Variants in SYN1 observed in about 807,000 individuals in gnomAD.
SYN1 encodes the protein synapsin-1.
In SYN1, 8 loss-of-function variants were observed where a neutral mutation model predicts 44.6. That is an observed-to-expected ratio of 0.18 (90% CI 0.11 to 0.32). The LOEUF (loss-of-function observed/expected upper bound fraction) is 0.32, where lower values mean the gene tolerates loss of function less well. SYN1 is among the 10% of genes least tolerant of loss of function. The pLI, the probability that SYN1 is intolerant of heterozygous loss-of-function variation, is 1.00. For missense variants in SYN1, 451 were observed against 639.4 expected (o/e 0.71, Z 3.18); for synonymous variants, 275 against 280.1 (o/e 0.98, Z 0.18).
intron 5 of SYN1, among the ~76,000 whole-genome samples, chrX:47,580,221 C>T (rs1439791710): frequency 2.9e-5 from 3 of 102,468 alleles, no homozygotes; most frequent in African/African-American, 7.1e-5. Flanking sequence ...CAGGGTTTCA[C>T]CATGTTGCCC....
At chrX:47,583,299 C>A in intron 5 of SYN1, 1 of 559,861 alleles carries the variant, frequency 1.8e-6, no homozygotes, top group South Asian at 3.6e-5. Context: ...CCAAATCCAG[C>A]CCCCTAATCC....
Position 47,574,373 on chromosome X carries a change from C to A in SYN1, c.1611G>T (p.Ala537=). 9.8e-7 allele frequency: 1 copy of A among 1,023,814 alleles called. No homozygotes were observed. The highest frequency in any genetic ancestry group is 3.0e-5 in the South Asian group (1 of 33,126). 84.4% of individuals were successfully genotyped at this position (1,023,814 alleles called of 1,213,427 possible). ...QGQGRQSRPV[A]GGPGAPPAAR... ...CTGCTGGAGGCGCCCCGGGGCCTCC[C>A]GCCACTGGCCGGGATTGGCGGCCTT... Residue 537 remains alanine (A), a synonymous_variant, in exon 12 of 13, where the codon GCG becomes GCT. Transcript: ENST00000295987.
At position 47,607,047 on chromosome X, in the gene SYN1, GA is replaced by G; in HGVS notation, c.436-12del. On this transcript the variant is annotated splice_polypyrimidine_tract_variant and intron_variant, in intron 2 of 12. Coordinates refer to ENST00000295987, the MANE Select transcript of SYN1 (RefSeq NM_006950.3). ...ATCAGAGAATTCGGCCTGGGAAGGA[GA>G]AAAAAACTGGTGATTCACCTACATC... is the stretch of plus-strand genomic sequence containing the variant. 8.3e-7 allele frequency: 1 copy of G among 1,209,716 alleles called. No individual in the cohort carries two copies. Among genetic ancestry groups the G allele is most frequent in the Non-Finnish European group, 1.1e-6 (1 of 893,950 alleles).
chrX:47,619,188 A>C (rs181800025), intron 1 of SYN1, among the ~76,000 whole-genome samples, 164 bp downstream of exon 1: 1 of 111,432 alleles, frequency 9.0e-6, no homozygotes, highest in East Asian at 2.9e-4. Context: ...GGGGGCGACA[A>C]GGGCGGGGCA....
At chrX:47,608,674 G>A (rs1023856562) in intron 1 of SYN1, among the ~76,000 whole-genome samples, 6 of 109,674 alleles carry the variant, frequency 5.5e-5, no homozygotes, top group Non-Finnish European at 7.6e-5. Flanking sequence ...GGAACATCAC[G>A]AACTGCTATG....
intron 5 of SYN1, chrX:47,586,469 C>T (rs2057827123): frequency 8.4e-7 from 1 of 1,188,507 alleles, no homozygotes; most frequent in Non-Finnish European, 1.1e-6. Context: ...AGTTCTGCTC[C>T]ACGGGGGAGG....
chrX:47,611,497 C>T (rs182059612), intron 1 of SYN1, among the ~76,000 whole-genome samples: 38 of 112,504 alleles, frequency 3.4e-4, no homozygotes, highest in African/African-American at 1.2e-3. Context: ...TTGGCAAATG[C>T]ATTCTTTTTT....
At chrX:47,618,628 C>G (rs1282002020) in intron 1 of SYN1, among the ~76,000 whole-genome samples, 1 of 110,982 alleles carries the variant, frequency 9.0e-6, no homozygotes, top group Non-Finnish European at 1.9e-5. Flanking sequence ...CTTCCTAGAT[C>G]CTTTGGAGAA....
intron 5 of SYN1, among the ~76,000 whole-genome samples, chrX:47,582,015 G>A (rs577660226): frequency 8.9e-6 from 1 of 112,774 alleles, no homozygotes; most frequent in South Asian, 3.6e-4. Context: ...CAAAACAAGG[G>A]ATTTTTGTGT....
intron 5 of SYN1, chrX:47,604,773 A>G (rs1459872782): frequency 4.5e-6 from 2 of 445,726 alleles, no homozygotes; most frequent in Non-Finnish European, 7.9e-6. Flanking sequence ...AGGATCTGAT[A>G]CATATTAGAA....
chrX:47,619,597 G>A lies in SYN1; in HGVS notation c.132C>T (p.Pro44=), dbSNP rs1408169799. The change falls in exon 1 of 13, where the codon CCC becomes CCT. Residue 44 remains proline, a synonymous_variant. Transcript: ENST00000295987. ...TCTCGGCAGTGGCGGTCCCGGGACCGGGCGTGGCTCCGGGGCTGTGGGCAC... is the reference window on the plus strand; with the variant it reads ...TCTCGGCAGTGGCGGTCCCGGGACCAGGCGTGGCTCCGGGGCTGTGGGCAC... The part of the protein sequence containing the change: ...PPGAHSPGAT[P]GPGTATAERS... 6.0e-6 allele frequency: 7 copies of A among 1,160,326 alleles called. No homozygotes were observed. Among genetic ancestry groups the A allele is most frequent in the Non-Finnish European group, 8.1e-6 (7 of 869,062 alleles).
In SYN1 at chrX:47,619,834, C is replaced by T; in HGVS notation, c.-106G>A. The T allele has an allele frequency of 2.3e-6, 2 of 884,966 alleles. No individual in the cohort carries two copies. The highest frequency in any genetic ancestry group is 3.1e-6 in the Non-Finnish European group (2 of 649,562). 72.9% of individuals were successfully genotyped at this position (884,966 alleles called of 1,213,427 possible). On this transcript the variant is annotated 5_prime_UTR_variant, in exon 1 of 13. Transcript: ENST00000295987. ...AGCTGCGCTCTCAGGCACGACACGACTCCTCCGCTGCCCACCGCAGACTGA... is the reference window on the plus strand; with the variant it reads ...AGCTGCGCTCTCAGGCACGACACGATTCCTCCGCTGCCCACCGCAGACTGA...
chrX:47,607,758 G>T (rs1184305354), intron 1 of SYN1, among the ~76,000 whole-genome samples: 1 of 107,891 alleles, frequency 9.3e-6, no homozygotes, highest in Non-Finnish European at 1.9e-5. Flanking sequence ...AAAGCCGAGG[G>T]CTGTGGCTCA....
At chrX:47,577,538 A>G in intron 5 of SYN1, 37 bp from the exon 6 acceptor site, 1 of 1,165,676 alleles carries the variant, frequency 8.6e-7, no homozygotes. Context: ...TGCTCAGGGC[A>G]GAAAGGGTGA....
rs2057809614 is a variant in SYN1, at chrX:47,583,650, C to T, written c.775-6149G>A. On this transcript the variant is annotated intron_variant, in intron 5 of 12. Coordinates refer to ENST00000295987, the MANE Select transcript of SYN1 (RefSeq NM_006950.3). ...GATTCCACTCGCCCCTGCACTTCCT[C>T]TGCTTTAGCCACACTGGCATCCTCA... 3.5e-6 allele frequency: 3 copies of T among 866,397 alleles called. No homozygotes were observed. In the Admixed American group the frequency reaches 1.0e-4, roughly 30 times the overall value. The allele number at this position is 866,397 out of a possible 1,213,427, so 71.4% of individuals were successfully genotyped here. A position where few individuals can be genotyped will look rare whatever the true frequency, so the allele number is the denominator to read the frequency against.
intron 12 of SYN1, among the ~76,000 whole-genome samples, chrX:47,573,757 G>A (rs921900660): frequency 3.6e-5 from 4 of 110,729 alleles, no homozygotes; most frequent in African/African-American, 1.3e-4. Context: ...CTTTGAGGAG[G>A]AATTCGAACT....
intron 5 of SYN1, chrX:47,585,358 C>A: frequency 1.7e-6 from 2 of 1,210,136 alleles, no homozygotes; most frequent in South Asian, 3.5e-5. Context: ...GCGCCCTGTG[C>A]CACACCAACC....
At chrX:47,597,248 T>C (rs2057866274) in intron 5 of SYN1, among the ~76,000 whole-genome samples, 1 of 109,693 alleles carries the variant, frequency 9.1e-6, no homozygotes, top group Admixed American at 9.7e-5. Flanking sequence ...GGCACGAGAA[T>C]TGCTTGAACC....
At chrX:47,589,989 C>T (rs969142792) in intron 5 of SYN1, 3 of 111,430 alleles carry the variant, frequency 2.7e-5, no homozygotes, top group Non-Finnish European at 5.6e-5. Flanking sequence ...ATGTCCATTT[C>T]TCCCCCACAC....
Sources: gnomAD v4.1 joint callset for allele counts (sites outside exome capture counted in the v4.1 genomes callset) on GRCh38, gnomAD v4.1.1 for gene constraint, MANE v1.5 for transcripts, NCBI Gene and HGNC (gene_info 2026-07-23, HGNC 2026-07-21) for gene names.